CTDSPL2: variants seen among roughly 807,000 people sequenced by gnomAD.
CTDSPL2 encodes CTD small phosphatase like 2, also known as CTD small phosphatase-like protein 2.
In CTDSPL2, 5 loss-of-function variants were observed where a neutral mutation model predicts 60.0. The observed-to-expected ratio is 0.08, with a 90% CI of 0.04 to 0.18. The LOEUF is 0.18. Among genes scored for constraint, CTDSPL2 ranks in the 10% least tolerant of loss-of-function variants. The pLI, the probability that CTDSPL2 is intolerant of heterozygous loss-of-function variation, is 1.00. For synonymous variants in CTDSPL2, 186 were observed against 189.3 expected (o/e 0.98, Z 0.14); for missense variants, 370 against 548.8 (o/e 0.67, Z 3.26).
intron 2 of CTDSPL2, among the ~76,000 whole-genome samples, chr15:44,483,336 C>T (rs927820337): frequency 1.3e-5 from 2 of 150,456 alleles, no homozygotes; most frequent in Non-Finnish European, 3.0e-5. Context: ...TGAGGCTGGT[C>T]ACAGTGGCTT....
chr15:44,506,226 T>TAA (rs1208750202), intron 8 of CTDSPL2, among the ~76,000 whole-genome samples: 1 of 151,614 alleles, frequency 6.6e-6, no homozygotes, highest in Non-Finnish European at 1.5e-5. Flanking sequence ...GATGGGGTTT[T>TAA]ACCCTGTTGG....
chr15:44,515,608 C>T (rs148076334), intron 10 of CTDSPL2, among the ~76,000 whole-genome samples: 1,525 of 152,212 alleles, frequency 0.01, 15 homozygotes, highest in East Asian at 0.045. Context: ...CGGTGGCTCA[C>T]GCCTGTAATC....
intron 1 of CTDSPL2, among the ~76,000 whole-genome samples, chr15:44,444,425 A>T (rs775444806): frequency 6.7e-6 from 1 of 150,078 alleles, no homozygotes; most frequent in Non-Finnish European, 1.5e-5. Flanking sequence ...GCTCACTGCA[A>T]CCTCTGCCTC....
rs1347978165 is a variant in CTDSPL2, at chr15:44,506,933, A to AT, written c.969+7127dup. 4.7e-5 allele frequency among the ~76,000 whole-genome samples: 7 copies of AT among 150,200 alleles called. No homozygotes were observed. In the East Asian group the frequency reaches 1.4e-3, roughly 30 times the overall value. ...AGGCGCCTGCCACTACACCCGGCTA[A>AT]TTTTTTTGTATTTTTAGTAGAGACA... On this transcript the variant is annotated intron_variant, in intron 8 of 12. Transcript: ENST00000260327.
In CTDSPL2 at chr15:44,477,229, T is replaced by C. The variant is rs2080936535; in HGVS notation, c.187-6995T>C. ...GAGTGACAGAGCAAGACCCTGTCTT[T>C]AATAAAAAGGGGAGAAAAGGGGGCC... On this transcript the variant is annotated intron_variant, in intron 2 of 12. Transcript: ENST00000260327. 1.3e-5 allele frequency among the ~76,000 whole-genome samples: 2 copies of C among 151,814 alleles called. 1 individual carries two copies. Among genetic ancestry groups the C allele is most frequent in the South Asian group, 4.2e-4 (2 of 4,808 alleles).
rs531919464 is a variant in CTDSPL2, at chr15:44,517,817, T to C, written c.1113-1352T>C. Among the ~76,000 whole-genome samples, 3 of 152,358 alleles carry C rather than the reference T, an allele frequency of 2.0e-5. No individual in the cohort carries two copies. In the South Asian group the frequency reaches 6.2e-4, roughly 32 times the overall value. On this transcript the variant is annotated intron_variant, in intron 10 of 12. Transcript: ENST00000260327. ...CAGTTTCCTCATATCTAAATGTTTA[T>C]AGAAATAAAACAGTGAATCTTATTT...
intron 8 of CTDSPL2, among the ~76,000 whole-genome samples, chr15:44,501,558 A>G (rs2081381006): frequency 1.3e-5 from 2 of 152,270 alleles, no homozygotes; most frequent in Non-Finnish European, 2.9e-5. Flanking sequence ...CTAGCAGCAT[A>G]TATGACTAAT....
chr15:44,437,609 C>T (rs2080003024), intron 1 of CTDSPL2, among the ~76,000 whole-genome samples: 1 of 152,126 alleles, frequency 6.6e-6, no homozygotes, highest in Non-Finnish European at 1.5e-5. Flanking sequence ...GTCTCCTTCA[C>T]CCCAATTATA....
chr15:44,472,770 T>C (rs376589660), intron 2 of CTDSPL2, among the ~76,000 whole-genome samples: 1 of 152,218 alleles, frequency 6.6e-6, no homozygotes, highest in East Asian at 1.9e-4. Flanking sequence ...TTCAAGCAAT[T>C]CCCCTGCCTC....
At chr15:44,436,404 G>A (rs1303120303) in intron 1 of CTDSPL2, among the ~76,000 whole-genome samples, 4 of 152,184 alleles carry the variant, frequency 2.6e-5, no homozygotes, top group Non-Finnish European at 4.4e-5. Flanking sequence ...AGTTGTATAT[G>A]ATGGAAGGAT....
chr15:44,524,284 T>A lies in CTDSPL2; in HGVS notation c.*110T>A. The A allele has an allele frequency of 1.3e-6, 1 of 798,274 alleles. No homozygotes were observed. The highest frequency in any genetic ancestry group is 1.4e-5 in the South Asian group (1 of 69,396). 49.4% of individuals were successfully genotyped at this position (798,274 alleles called of 1,614,324 possible). Reference sequence around the variant, plus strand: ...AATTTTGCATTTTTGTACCCCGTCTTGCTTTTCTTATCTTTGGTGCCCAAT... The same window carrying A: ...AATTTTGCATTTTTGTACCCCGTCTAGCTTTTCTTATCTTTGGTGCCCAAT... On this transcript the variant is annotated 3_prime_UTR_variant, in exon 13 of 13. Transcript: ENST00000260327.
chr15:44,462,616 C>G (rs146400969), intron 2 of CTDSPL2, among the ~76,000 whole-genome samples: 117 of 151,466 alleles, frequency 7.7e-4, no homozygotes, highest in African/African-American at 2.5e-3. Flanking sequence ...ACCTCCTTCT[C>G]TGTGGCCTCA....
intron 1 of CTDSPL2, among the ~76,000 whole-genome samples, chr15:44,451,797 T>C (rs1011136449): frequency 5.3e-5 from 8 of 152,200 alleles, no homozygotes; most frequent in Admixed American, 4.6e-4. Context: ...AACACTGATG[T>C]CTCTGCTTAA....
At chr15:44,474,836 A>C (rs2080883666) in intron 2 of CTDSPL2, among the ~76,000 whole-genome samples, 2 of 152,056 alleles carry the variant, frequency 1.3e-5, no homozygotes, top group South Asian at 4.1e-4. Flanking sequence ...AGCCTGGGTG[A>C]CTCCATCTCA....
intron 2 of CTDSPL2, among the ~76,000 whole-genome samples, chr15:44,465,109 A>G (rs1167136719): frequency 1.3e-5 from 2 of 152,178 alleles, no homozygotes; most frequent in Non-Finnish European, 2.9e-5. Flanking sequence ...GGGTAACACT[A>G]TTCAGTGTGA....
At chr15:44,483,827 C>T (rs1234764092) in intron 2 of CTDSPL2, among the ~76,000 whole-genome samples, 2 of 152,142 alleles carry the variant, frequency 1.3e-5, no homozygotes, top group Non-Finnish European at 2.9e-5. Context: ...TGTGACTTGC[C>T]AGCACATTCA....
At chr15:44,436,067 G>A (rs371859207) in intron 1 of CTDSPL2, among the ~76,000 whole-genome samples, 5 of 152,232 alleles carry the variant, frequency 3.3e-5, no homozygotes, top group African/African-American at 1.2e-4. Flanking sequence ...GTGGACAGTT[G>A]TAATACCTGA....
chr15:44,516,576 G>A (rs2081657831), intron 10 of CTDSPL2: 1 of 152,160 alleles, frequency 6.6e-6, no homozygotes, highest in African/African-American at 2.4e-5. Flanking sequence ...TATACCCAGT[G>A]ATTTTGTTTT....
chr15:44,484,196 T>C, intron 2 of CTDSPL2, 28 bp from the exon 3 acceptor site: 1 of 1,575,740 alleles, frequency 6.3e-7, no homozygotes, highest in South Asian at 1.2e-5. Flanking sequence ...TTGTGCTTAG[T>C]GTGTTTTTTT....
Sources: gnomAD v4.1 joint callset for allele counts (sites outside exome capture counted in the v4.1 genomes callset) on GRCh38, gnomAD v4.1.1 for gene constraint, MANE v1.5 for transcripts, NCBI Gene and HGNC (gene_info 2026-07-23, HGNC 2026-07-21) for gene names.